The following PPP1R36 variants were observed in gnomAD, a reference collection of about 807,000 sequenced individuals.
PPP1R36 encodes the protein protein phosphatase 1 regulatory subunit 36.
In PPP1R36, 47 loss-of-function variants were observed where a neutral mutation model predicts 53.4. The ratio of observed to expected loss-of-function variants is 0.88; its 90% CI spans 0.70 to 1.12. The LOEUF (loss-of-function observed/expected upper bound fraction) is 1.12. PPP1R36 is among the 50% of genes most tolerant of loss of function. The pLI is 0.00. For missense variants in PPP1R36, 456 were observed against 513.9 expected (o/e 0.89, Z 1.09); for synonymous variants, 153 against 170.5 (o/e 0.90, Z 0.80).
rs951249541 is a variant in PPP1R36 at position 64,564,749 on chromosome 14, A to G, written c.183-2A>G. ...TCCCTAATTATCTCATTTTTATTGC[A>G]GTTTTACACCTGCAGCAGAAGTCAA... On this transcript the variant is annotated splice_acceptor_variant, in intron 3 of 11. Transcript: ENST00000298705. LOFTEE classifies it high-confidence loss of function. 1 of 1,599,566 alleles carries G rather than the reference A, an allele frequency of 6.3e-7. No individual in the cohort carries two copies. Among genetic ancestry groups the G allele is most frequent in the Middle Eastern group, 1.7e-4 (1 of 6,014 alleles).
At chr14:64,589,034 C>G in intron 11 of PPP1R36, 118 bp from the exon 12 acceptor site, 1 of 670,310 alleles carries the variant, frequency 1.5e-6, no homozygotes, top group Non-Finnish European at 2.5e-6. Flanking sequence ...AAGAGTATAT[C>G]TTAGCTTTAG....
At chr14:64,566,959 C>A (rs2080263306) in intron 6 of PPP1R36, among the ~76,000 whole-genome samples, 1 of 152,246 alleles carries the variant, frequency 6.6e-6, no homozygotes, top group African/African-American at 2.4e-5. Flanking sequence ...TTGTTAACAG[C>A]CTCTTTGTTG....
At chr14:64,573,012 T>C (rs2080314990) in intron 7 of PPP1R36, among the ~76,000 whole-genome samples, 1 of 152,162 alleles carries the variant, frequency 6.6e-6, no homozygotes. Flanking sequence ...AGGATAATAA[T>C]AACTGTTCTT....
chr14:64,573,958 A>G (rs1027100590), intron 7 of PPP1R36, among the ~76,000 whole-genome samples: 3 of 150,474 alleles, frequency 2.0e-5, no homozygotes, highest in Admixed American at 2.0e-4. Flanking sequence ...AAAATACACC[A>G]TAAGCTTGAG....
At chr14:64,587,521 CACAAGCTTGGCTT>C (rs2080445634) in intron 10 of PPP1R36, 149 bp downstream of exon 10, 3 of 472,270 alleles carry the variant, frequency 6.4e-6, no homozygotes. Context: ...AGTGCAGTGG[CACAAGCTTGGCTT>C]ACTGCAACGT....
At chr14:64,581,046 C>T (rs2140245937) in intron 8 of PPP1R36, among the ~76,000 whole-genome samples, 2 of 152,268 alleles carry the variant, frequency 1.3e-5, no homozygotes, top group Middle Eastern at 6.8e-3. Flanking sequence ...CACTTAAGAC[C>T]TGACCTCTCT....
Position 64,550,034 on chromosome 14 carries a change from C to T in PPP1R36, c.37C>T (p.Arg13Trp), listed in dbSNP as rs373435160. ...GCCCGAGTTTTATGCGAGGAGGAAG[C>T]GGTTAGGTGGGCAGACCCCTTACTT... ...RVPEFYARRK[R>W]LGGQTPYLMD... is the part of the protein sequence containing the mutation. The change falls in exon 1 of 12, where the codon CGG becomes TGG. Residue 13 changes from arginine to tryptophan, a missense_variant. Physicochemically the swap from Arg to Trp is moderately radical, Grantham distance 101. Transcript: ENST00000298705. 2 of 1,574,164 alleles carry T rather than the reference C, an allele frequency of 1.3e-6. No individual in the cohort carries two copies. Among genetic ancestry groups the T allele is most frequent in the Non-Finnish European group, 1.7e-6 (2 of 1,159,748 alleles).
chr14:64,550,950 C>A lies in PPP1R36; in HGVS notation c.99C>A (p.Tyr33Ter). The A allele has an allele frequency of 2.5e-6, 4 of 1,609,544 alleles. No individual in the cohort carries two copies. The highest frequency in any genetic ancestry group is 3.4e-6 in the Non-Finnish European group (4 of 1,178,004). Reference sequence around the variant, plus strand: ...TGGGATTACGATTAGGGATGTGGTACTGGAAAGATGAAACCAGAACTCTTG... The same window carrying A: ...TGGGATTACGATTAGGGATGTGGTAATGGAAAGATGAAACCAGAACTCTTG... ...DQLGLRLGMW[Y>*]WKDETRTLEF... Residue 33 changes from tyrosine to a stop codon, truncating the protein, a stop_gained, in exon 2 of 12, where the codon TAC becomes TAA. Coordinates refer to ENST00000298705, the MANE Select transcript of PPP1R36 (RefSeq NM_172365.3). LOFTEE classifies it high-confidence loss of function.
intron 6 of PPP1R36, 71 bp from the exon 7 acceptor site, chr14:64,568,278 T>G: frequency 1.7e-6 from 1 of 596,676 alleles, no homozygotes; most frequent in East Asian, 2.9e-5. Context: ...TCATATATTT[T>G]TTATGAGAAA....
intron 8 of PPP1R36, among the ~76,000 whole-genome samples, chr14:64,581,869 GA>G (rs2080392525): frequency 6.6e-6 from 1 of 152,136 alleles, no homozygotes; most frequent in Non-Finnish European, 1.5e-5. Context: ...GAATTTTGAT[GA>G]ACACGTTCAG....
chr14:64,579,626 T>C (rs2080370409), intron 8 of PPP1R36, among the ~76,000 whole-genome samples: 1 of 152,226 alleles, frequency 6.6e-6, no homozygotes, highest in South Asian at 2.1e-4. Flanking sequence ...CTAATTTCTT[T>C]TGTCTTTAAA....
chr14:64,563,096 C>T (rs192098083), intron 3 of PPP1R36, among the ~76,000 whole-genome samples: 2 of 152,134 alleles, frequency 1.3e-5, no homozygotes, highest in Admixed American at 6.5e-5. Flanking sequence ...AAACTCCCGA[C>T]CTCAGGTGAT....
At chr14:64,554,314 G>T (rs1362422620) in intron 3 of PPP1R36, among the ~76,000 whole-genome samples, 1 of 151,918 alleles carries the variant, frequency 6.6e-6, no homozygotes, top group African/African-American at 2.4e-5. Context: ...ACCACACCCA[G>T]CTAATTTTGT....
chr14:64,551,673 A>G (rs1566646582), intron 2 of PPP1R36: 1 of 456,302 alleles, frequency 2.2e-6, no homozygotes, highest in East Asian at 6.9e-5. Context: ...CAACTGAACC[A>G]AAGTCATACA....
At chr14:64,574,678 G>A in intron 8 of PPP1R36, 89 bp downstream of exon 8, 1 of 1,396,958 alleles carries the variant, frequency 7.2e-7, no homozygotes, top group Non-Finnish European at 9.8e-7. Flanking sequence ...GTTACCTTGA[G>A]AAAATGTTCC....
intron 5 of PPP1R36, 82 bp downstream of exon 5, chr14:64,565,536 T>C: frequency 7.1e-7 from 1 of 1,417,846 alleles, no homozygotes; most frequent in Admixed American, 1.7e-5. Flanking sequence ...TCCGCCCATC[T>C]ACATATAACA....
At chr14:64,563,469 A>G (rs61987033) in intron 3 of PPP1R36, among the ~76,000 whole-genome samples, 1 of 139,516 alleles carries the variant, frequency 7.2e-6, no homozygotes. Flanking sequence ...AAAAAAAAAG[A>G]AAGAAAAGAA....
chr14:64,585,150 AG>A (rs1320273657), intron 8 of PPP1R36, among the ~76,000 whole-genome samples: 2 of 152,176 alleles, frequency 1.3e-5, no homozygotes, highest in Non-Finnish European at 2.9e-5. Flanking sequence ...GTGGGAGTTC[AG>A]GATGGTTCTG....
chr14:64,569,404 T>C (rs943195239), intron 7 of PPP1R36, among the ~76,000 whole-genome samples: 3 of 152,234 alleles, frequency 2.0e-5, no homozygotes, highest in Non-Finnish European at 4.4e-5. Context: ...AAACATCTTA[T>C]GGATAGAATA....
Sources: allele counts gnomAD v4.1 joint callset (sites outside exome capture counted in the v4.1 genomes callset), GRCh38; gene constraint gnomAD v4.1.1; transcripts MANE v1.5; gene names NCBI Gene and HGNC (gene_info 2026-07-23, HGNC 2026-07-21).